The following ALK variants were observed in gnomAD, a reference collection of about 807,000 sequenced individuals.
The protein encoded by ALK is ALK tyrosine kinase receptor.
Under a neutral mutation model 163.1 loss-of-function variants are expected in ALK, and 74 were observed. That is an observed-to-expected ratio of 0.45 (90% CI 0.38 to 0.55). ALK has a LOEUF of 0.55. Among genes scored for constraint, ALK ranks in the 20% least tolerant of loss-of-function variants. ALK has a pLI of 0.00. For synonymous variants in ALK, 960 were observed against 843.2 expected (o/e 1.14, Z -2.40); for missense variants, 2,063 against 2,105.3 (o/e 0.98, Z 0.39).
At chr2:29,794,331 G>C (rs2148359371) in intron 1 of ALK, among the ~76,000 whole-genome samples, 1 of 152,268 alleles carries the variant, frequency 6.6e-6, no homozygotes, top group East Asian at 1.9e-4. Flanking sequence ...TATTGTGGCT[G>C]ATTTGATCTT....
chr2:29,315,423 C>G (rs1174454998), intron 8 of ALK, among the ~76,000 whole-genome samples: 2 of 152,142 alleles, frequency 1.3e-5, no homozygotes, highest in Non-Finnish European at 2.9e-5. Context: ...ATTTCTCATC[C>G]CTTTTCTGAC....
intron 1 of ALK, among the ~76,000 whole-genome samples, chr2:29,918,259 T>C (rs1667889475): frequency 6.6e-6 from 1 of 152,212 alleles, no homozygotes; most frequent in Admixed American, 6.5e-5. Flanking sequence ...TATGGTCATT[T>C]GATAAAAGGT....
intron 3 of ALK, among the ~76,000 whole-genome samples, chr2:29,656,728 T>C (rs1469691307): frequency 6.6e-6 from 1 of 152,126 alleles, no homozygotes; most frequent in Non-Finnish European, 1.5e-5. Context: ...AGTGCACTCT[T>C]TGTGGAGAGA....
At chr2:29,528,453 C>T (rs754843782) in intron 4 of ALK, among the ~76,000 whole-genome samples, 5 of 152,306 alleles carry the variant, frequency 3.3e-5, no homozygotes, top group Admixed American at 6.5e-5. Flanking sequence ...CTGGATCTGC[C>T]ACTAGCGATC....
intron 1 of ALK, among the ~76,000 whole-genome samples, chr2:29,752,569 C>T (rs1476120465): frequency 6.6e-6 from 1 of 151,722 alleles, no homozygotes; most frequent in Non-Finnish European, 1.5e-5. Flanking sequence ...AGGATGGTCT[C>T]GATCTCCTGA....
intron 14 of ALK, 137 bp from the exon 15 acceptor site, chr2:29,232,585 GT>G: frequency 8.4e-7 from 1 of 1,186,186 alleles, no homozygotes; most frequent in South Asian, 1.3e-5. Context: ...GTCTGAGGTG[GT>G]TTGCGGGCTC....
rs563690094 is a variant in ALK at position 29,614,337 on chromosome 2, C to T, written c.952+80513G>A. Among the ~76,000 whole-genome samples, 39 of 152,308 alleles carry T rather than the reference C, an allele frequency of 2.6e-4. 1 individual carries two copies. The South Asian group carries it at 3.7e-3, about 15-fold the overall frequency. ...CAGTTTGCTCAACAGGTAGAATAAT[C>T]CTCACATCACTACTGAAAGTTTCAC... On this transcript the variant is annotated intron_variant, in intron 3 of 28. Coordinates refer to ENST00000389048, the MANE Select transcript of ALK (RefSeq NM_004304.5).
At chr2:29,438,112 G>T (rs1401901510) in intron 4 of ALK, among the ~76,000 whole-genome samples, 2 of 150,508 alleles carry the variant, frequency 1.3e-5, no homozygotes, top group South Asian at 2.1e-4. Context: ...ACTAGTGTCT[G>T]CCATCCATTT....
At chr2:29,538,965 C>A (rs1673336491) in intron 3 of ALK, among the ~76,000 whole-genome samples, 1 of 152,144 alleles carries the variant, frequency 6.6e-6, no homozygotes, top group South Asian at 2.1e-4. Context: ...TCCAACAGCT[C>A]CAGGCAGTAT....
chr2:29,714,040 G>A (rs560192103), intron 2 of ALK, among the ~76,000 whole-genome samples: 3 of 152,140 alleles, frequency 2.0e-5, no homozygotes, highest in East Asian at 3.9e-4. Context: ...ACCCCCGGTG[G>A]CCTCAATCTT....
chr2:29,900,090 G>A (rs183319189), intron 1 of ALK, among the ~76,000 whole-genome samples: 249 of 152,378 alleles, frequency 1.6e-3, no homozygotes, highest in African/African-American at 5.6e-3. Context: ...CCTGACCTGA[G>A]AGCATTTTAA....
At chr2:29,525,619 G>A (rs1166531176) in intron 4 of ALK, among the ~76,000 whole-genome samples, 1 of 151,810 alleles carries the variant, frequency 6.6e-6, no homozygotes, top group Non-Finnish European at 1.5e-5. Flanking sequence ...GTAAAACCCT[G>A]TCTCTACTAA....
chr2:29,325,495 G>A (rs965032901), intron 6 of ALK, among the ~76,000 whole-genome samples: 2 of 152,208 alleles, frequency 1.3e-5, no homozygotes, highest in East Asian at 1.9e-4. Context: ...GAGACCCAGA[G>A]GGGGAGGCCC....
intron 4 of ALK, among the ~76,000 whole-genome samples, chr2:29,420,756 G>A (rs900744318): frequency 6.6e-6 from 1 of 151,460 alleles, no homozygotes; most frequent in African/African-American, 2.5e-5. Context: ...TTTACGACCC[G>A]CTTTGCAGTC....
At position 29,523,891 on chromosome 2, in the gene ALK, T is replaced by TTG. The variant is rs1325467738; in HGVS notation, c.1154+8023_1154+8024insCA. The stretch of plus-strand genomic sequence containing the variant: ...TTTTTTTTTTTTTTTTTTTTTTTTT[T>TTG]ATGCCCATCAATGAAAGCAATCGTG... On this transcript the variant is annotated intron_variant, in intron 4 of 28. Coordinates refer to ENST00000389048, the MANE Select transcript of ALK (RefSeq NM_004304.5). Among the ~76,000 whole-genome samples the TTG allele has an allele frequency of 8.8e-5, 10 of 113,080 alleles. 1 individual carries two copies. The highest frequency in any genetic ancestry group is 1.9e-4 in the Admixed American group (2 of 10,604). 74.2% of individuals were successfully genotyped at this position (113,080 alleles called of 152,430 possible).
intron 4 of ALK, among the ~76,000 whole-genome samples, chr2:29,507,338 C>T (rs778476311): frequency 5.9e-5 from 9 of 152,088 alleles, no homozygotes; most frequent in South Asian, 4.2e-4. Flanking sequence ...TTCATATAGA[C>T]AGAAAGTATA....
At chr2:29,343,395 T>C (rs1347308627) in intron 5 of ALK, among the ~76,000 whole-genome samples, 2 of 136,230 alleles carry the variant, frequency 1.5e-5, no homozygotes, top group South Asian at 2.5e-4. Context: ...AAAAAAAAAA[T>C]TTAGAGATGG....
intron 3 of ALK, among the ~76,000 whole-genome samples, chr2:29,609,527 A>G (rs1675631958): frequency 1.3e-5 from 2 of 152,212 alleles, no homozygotes; most frequent in South Asian, 4.1e-4. Flanking sequence ...TTAGATTTGG[A>G]TGGGATCTCA....
intron 1 of ALK, among the ~76,000 whole-genome samples, chr2:29,836,380 A>G (rs1558511465): frequency 6.6e-6 from 1 of 152,192 alleles, no homozygotes; most frequent in Non-Finnish European, 1.5e-5. Flanking sequence ...CTCTGCTAAC[A>G]TTAGTCACTT....
Sources: allele counts gnomAD v4.1 joint callset (sites outside exome capture counted in the v4.1 genomes callset), GRCh38; gene constraint gnomAD v4.1.1; transcripts MANE v1.5; gene names NCBI Gene and HGNC (gene_info 2026-07-23, HGNC 2026-07-21).